The following DYRK1A variants were observed in gnomAD, a reference collection of about 807,000 sequenced individuals.
DYRK1A encodes dual specificity tyrosine phosphorylation regulated kinase 1A.
A neutral mutation model predicts 79.7 loss-of-function variants in DYRK1A; 9 were observed. The ratio of observed to expected loss-of-function variants is 0.11; its 90% confidence interval spans 0.07 to 0.20. The LOEUF (loss-of-function observed/expected upper bound fraction) is 0.20. DYRK1A is among the 10% of genes least tolerant of loss of function. The pLI is 1.00. For synonymous variants in DYRK1A, 349 were observed against 329.7 expected (o/e 1.06, Z -0.63); for missense variants, 622 against 956.0 (o/e 0.65, Z 4.61).
chr21:37,388,786 A>T (rs1182275789), intron 1 of DYRK1A, among the ~76,000 whole-genome samples: 1 of 151,540 alleles, frequency 6.6e-6, no homozygotes, highest in African/African-American at 2.4e-5. Flanking sequence ...CTGAGACTAC[A>T]GGTGCCCACC....
In DYRK1A at chr21:37,519,502, GCTAA is replaced by G. The variant is rs1475060191; in HGVS notation, c.*6972_*6975del. 1 of 152,168 alleles carries G rather than the reference GCTAA, an allele frequency of 6.6e-6. No individual in the cohort carries two copies. Among genetic ancestry groups the G allele is most frequent in the Non-Finnish European group, 1.5e-5 (1 of 68,042 alleles). 9.4% of individuals were successfully genotyped at this position (152,168 alleles called of 1,614,324 possible). The stretch of plus-strand genomic sequence containing the variant: ...AAGTGTCCGATAAATATAATATGCG[GCTAA>G]ACAGCGGAGTCCACAGCCTGAATGG... On this transcript the variant is annotated 3_prime_UTR_variant, in exon 12 of 12. Coordinates refer to ENST00000647188, the MANE Select transcript of DYRK1A (RefSeq NM_001347721.2).
At chr21:37,505,170 C>G in intron 9 of DYRK1A, 113 bp from the exon 10 acceptor site, 1 of 815,628 alleles carries the variant, frequency 1.2e-6, no homozygotes, top group Admixed American at 2.8e-5. Flanking sequence ...TATGAAGTGT[C>G]CTTTTTAATA....
At chr21:37,459,234 A>C (rs1443319314) in intron 2 of DYRK1A, among the ~76,000 whole-genome samples, 1 of 152,210 alleles carries the variant, frequency 6.6e-6, no homozygotes, top group Non-Finnish European at 1.5e-5. Flanking sequence ...GCTTGAAAGA[A>C]TTAGTTCCTC....
At position 37,506,310 on chromosome 21, in the gene DYRK1A, G is replaced by A. The variant is rs766703434; in HGVS notation, c.1644+87G>A. ...GATGCCAGGTGCCTTTAGAATGACC[G>A]TATCATTTACCCTAGAGGTTCATGA... is the stretch of plus-strand genomic sequence containing the variant. On this transcript the variant is annotated intron_variant, in intron 11 of 11. Coordinates refer to ENST00000647188, the MANE Select transcript of DYRK1A (RefSeq NM_001347721.2). 16 of 1,610,528 alleles carry A rather than the reference G, an allele frequency of 9.9e-6. No individual in the cohort carries two copies. The highest frequency in any genetic ancestry group is 1.7e-4 in the Middle Eastern group (1 of 5,918).
chr21:37,502,460 G>A (rs1179497947), intron 9 of DYRK1A: 4 of 151,828 alleles, frequency 2.6e-5, no homozygotes, highest in Admixed American at 6.6e-5. Flanking sequence ...TAATATGCAC[G>A]TTTAACATTA....
At chr21:37,464,586 A>G (rs962223086) in intron 2 of DYRK1A, among the ~76,000 whole-genome samples, 1 of 152,234 alleles carries the variant, frequency 6.6e-6, no homozygotes, top group African/African-American at 2.4e-5. Flanking sequence ...TGTTAAGTTC[A>G]TCATTAAATT....
intron 1 of DYRK1A, among the ~76,000 whole-genome samples, chr21:37,416,152 T>C (rs2050334037): frequency 6.6e-6 from 1 of 152,248 alleles, no homozygotes; most frequent in African/African-American, 2.4e-5. Context: ...TAACACTACC[T>C]ACTCGTAGGG....
intron 1 of DYRK1A, among the ~76,000 whole-genome samples, chr21:37,393,394 T>G (rs191676341): frequency 5.8e-4 from 88 of 152,322 alleles, no homozygotes; most frequent in African/African-American, 2.1e-3. Flanking sequence ...CGGAGTTTAA[T>G]AAACTGTCTT....
chr21:37,434,557 A>G (rs1482304775), intron 2 of DYRK1A, among the ~76,000 whole-genome samples: 1 of 152,204 alleles, frequency 6.6e-6, no homozygotes, highest in East Asian at 1.9e-4. Flanking sequence ...TTTATTCATT[A>G]TTAGACATTT....
rs759950381 is a variant in DYRK1A, at chr21:37,506,162, A to G, written c.1583A>G (p.His528Arg). 11 of 1,614,216 alleles carry G rather than the reference A, an allele frequency of 6.8e-6. No homozygotes were observed. Among genetic ancestry groups the G allele is most frequent in the Non-Finnish European group, 8.5e-6 (10 of 1,180,034 alleles). The change falls in exon 11 of 12, where the codon CAC becomes CGC. Residue 528 changes from histidine (H) to arginine (R), a missense_variant. Coordinates refer to ENST00000647188, the MANE Select transcript of DYRK1A (RefSeq NM_001347721.2). ...ARSDPTHQHR[H>R]SGGHFTAAVQ... ...TCGGATCCGACGCACCAGCATCGGC[A>G]CAGTGGTGGGCACTTCACAGCTGCC...
intron 9 of DYRK1A, among the ~76,000 whole-genome samples, chr21:37,500,664 A>T (rs2053414493): frequency 6.6e-6 from 1 of 151,908 alleles, no homozygotes; most frequent in African/African-American, 2.4e-5. Context: ...GGTTATCCAA[A>T]TTTTTTTTAA....
intron 2 of DYRK1A, among the ~76,000 whole-genome samples, chr21:37,434,980 C>T (rs2050882468): frequency 6.6e-6 from 1 of 152,204 alleles, no homozygotes; most frequent in African/African-American, 2.4e-5. Flanking sequence ...GAAAAACTCA[C>T]ATGTCTATAT....
At chr21:37,456,362 G>T (rs2051635623) in intron 2 of DYRK1A, 3 of 152,116 alleles carry the variant, frequency 2.0e-5, no homozygotes, top group Non-Finnish European at 2.9e-5. Context: ...GACATTTTTG[G>T]GAGCTATTCA....
At chr21:37,509,029 A>G (rs988676147) in intron 11 of DYRK1A, among the ~76,000 whole-genome samples, 8 of 152,204 alleles carry the variant, frequency 5.3e-5, no homozygotes, top group Non-Finnish European at 7.3e-5. Context: ...TTTTGCTTCA[A>G]ATCCTTTTTT....
chr21:37,400,895 A>G (rs2050040356), intron 1 of DYRK1A, among the ~76,000 whole-genome samples: 1 of 152,342 alleles, frequency 6.6e-6, no homozygotes, highest in East Asian at 1.9e-4. Flanking sequence ...CTGTAATCCC[A>G]GCACTTTGGG....
At chr21:37,425,326 T>G (rs1477720858) in intron 2 of DYRK1A, among the ~76,000 whole-genome samples, 2 of 152,226 alleles carry the variant, frequency 1.3e-5, no homozygotes, top group Non-Finnish European at 2.9e-5. Context: ...TATTAATGCT[T>G]GCTTTAATAC....
At chr21:37,477,201 C>A (rs1000748987) in intron 3 of DYRK1A, among the ~76,000 whole-genome samples, 1 of 152,098 alleles carries the variant, frequency 6.6e-6, no homozygotes, top group Middle Eastern at 3.2e-3. Flanking sequence ...CCGATTGACC[C>A]GAGTGTCCTT....
chr21:37,383,128 A>G (rs886516080), intron 1 of DYRK1A, among the ~76,000 whole-genome samples: 9 of 152,180 alleles, frequency 5.9e-5, no homozygotes, highest in Admixed American at 2.0e-4. Flanking sequence ...GTGCTTGCCT[A>G]CCTCAGAGGC....
At chr21:37,481,783 A>G (rs1052100735) in intron 5 of DYRK1A, 1 of 152,160 alleles carries the variant, frequency 6.6e-6, no homozygotes, top group Admixed American at 6.5e-5. Context: ...AAGCAGAAGG[A>G]TCACCTGAGC....
Sources: allele counts gnomAD v4.1 joint callset (sites outside exome capture counted in the v4.1 genomes callset), GRCh38; gene constraint gnomAD v4.1.1; transcripts MANE v1.5; gene names NCBI Gene and HGNC (gene_info 2026-07-23, HGNC 2026-07-21).